Variants in IMMP2L observed in about 807,000 individuals in gnomAD.
IMMP2L encodes inner mitochondrial membrane peptidase subunit 2, also known as mitochondrial inner membrane protease subunit 2.
IMMP2L carries 18 observed loss-of-function variants against 19.3 expected under a neutral mutation model. The observed-to-expected ratio is 0.93, with a 90% confidence interval of 0.64 to 1.38. The LOEUF (loss-of-function observed/expected upper bound fraction) is 1.38. Ranked by LOEUF, IMMP2L falls within the 40% of genes most tolerant of loss-of-function variation. The pLI is 0.00. For missense variants in IMMP2L, 233 were observed against 218.2 expected (o/e 1.07, Z -0.43); for synonymous variants, 76 against 73.0 (o/e 1.04, Z -0.21).
chr7:110,875,523 T>C (rs774263584), intron 5 of IMMP2L, among the ~76,000 whole-genome samples: 2 of 152,164 alleles, frequency 1.3e-5, no homozygotes, highest in Non-Finnish European at 2.9e-5. Flanking sequence ...AATGACATAA[T>C]TTATAATCTC....
At chr7:110,842,191 A>G (rs1805158534) in intron 5 of IMMP2L, among the ~76,000 whole-genome samples, 1 of 152,068 alleles carries the variant, frequency 6.6e-6, no homozygotes, top group Non-Finnish European at 1.5e-5. Context: ...TTTCCTCTCC[A>G]CTTTTGAATC....
rs1044566836 is a variant in IMMP2L, at chr7:110,869,776, C to G, written c.408+16817G>C. Among the ~76,000 whole-genome samples the G allele has an allele frequency of 5.9e-5, 9 of 152,202 alleles. No homozygotes were observed. The East Asian group carries it at 1.2e-3, about 20-fold the overall frequency. On this transcript the variant is annotated intron_variant, in intron 5 of 5. Transcript: ENST00000405709. Reference sequence around the variant, plus strand: ...GCTATAACATTTTAGTCAGGGACAACAAAGTTTCTATTTAGATACTCAGAA... The same window carrying G: ...GCTATAACATTTTAGTCAGGGACAAGAAAGTTTCTATTTAGATACTCAGAA...
intron 3 of IMMP2L, among the ~76,000 whole-genome samples, chr7:111,168,404 C>G (rs1373321431): frequency 6.6e-6 from 1 of 151,688 alleles, no homozygotes; most frequent in African/African-American, 2.4e-5. Flanking sequence ...CTAGCAGCAT[C>G]TATAAACAGG....
intron 3 of IMMP2L, among the ~76,000 whole-genome samples, chr7:111,158,500 G>C (rs1270225322): frequency 2.6e-5 from 4 of 152,082 alleles, no homozygotes; most frequent in Admixed American, 1.3e-4. Flanking sequence ...CAATTGCTAA[G>C]AGTAATTTCT....
chr7:110,712,719 G>C (rs1448376363), intron 5 of IMMP2L, among the ~76,000 whole-genome samples: 1 of 81,716 alleles, frequency 1.2e-5, no homozygotes, highest in Non-Finnish European at 2.6e-5. Flanking sequence ...GTGGTGCGCC[G>C]TTTCTTAAGC....
At chr7:110,906,407 T>C (rs1365738813) in intron 4 of IMMP2L, among the ~76,000 whole-genome samples, 2 of 152,232 alleles carry the variant, frequency 1.3e-5, no homozygotes, top group Non-Finnish European at 2.9e-5. Context: ...TTAGTCAAGC[T>C]GGTCTAGGTG....
chr7:110,803,706 G>A lies in IMMP2L; in HGVS notation c.408+82887C>T, dbSNP rs1396437733. Among the ~76,000 whole-genome samples the A allele has an allele frequency of 6.6e-6, 1 of 152,062 alleles. No individual in the cohort carries two copies. The highest frequency in any genetic ancestry group is 2.4e-5 in the African/African-American group (1 of 41,438). On this transcript the variant is annotated intron_variant, in intron 5 of 5. Coordinates refer to ENST00000405709, the MANE Select transcript of IMMP2L (RefSeq NM_032549.4). The surrounding 1 kb of genome is among the most constrained non-coding windows in gnomAD (Gnocchi z 4.2). Reference sequence around the variant, plus strand: ...TGTAGCCAAGGGCAAGTCCTGATGGGCTGACAGGCTATCCCCTGGGAGCAC... The same window carrying A: ...TGTAGCCAAGGGCAAGTCCTGATGGACTGACAGGCTATCCCCTGGGAGCAC...
intron 3 of IMMP2L, among the ~76,000 whole-genome samples, chr7:111,395,859 G>C (rs1270862586): frequency 6.6e-6 from 1 of 152,090 alleles, no homozygotes; most frequent in Non-Finnish European, 1.5e-5. Flanking sequence ...GTCTGAAGAA[G>C]AGAAAACAAA....
At chr7:110,730,108 G>A (rs961747194) in intron 5 of IMMP2L, among the ~76,000 whole-genome samples, 2 of 152,060 alleles carry the variant, frequency 1.3e-5, no homozygotes, top group African/African-American at 2.4e-5. Flanking sequence ...AGAGTATTGT[G>A]ATGGCTAATA....
chr7:110,932,044 G>C (rs773158369), intron 4 of IMMP2L, among the ~76,000 whole-genome samples: 1 of 152,006 alleles, frequency 6.6e-6, no homozygotes, highest in Non-Finnish European at 1.5e-5. Context: ...CCAGTCAATG[G>C]CTAGCCCCAC....
intron 3 of IMMP2L, among the ~76,000 whole-genome samples, chr7:111,406,489 C>T (rs1184172146): frequency 1.3e-5 from 2 of 152,076 alleles, no homozygotes; most frequent in Admixed American, 6.6e-5. Flanking sequence ...ACTGAAAACA[C>T]TTCAAAAGCC....
intron 3 of IMMP2L, among the ~76,000 whole-genome samples, chr7:111,470,141 C>T (rs1190534350): frequency 2.0e-5 from 3 of 152,084 alleles, no homozygotes; most frequent in African/African-American, 7.2e-5. Flanking sequence ...TCATCACTGG[C>T]CATCAGAGAA....
intron 3 of IMMP2L, among the ~76,000 whole-genome samples, chr7:111,016,947 T>C (rs1330488370): frequency 2.7e-5 from 3 of 112,678 alleles, no homozygotes; most frequent in Non-Finnish European, 5.1e-5. Context: ...ATATTACATA[T>C]ATGATATATA....
intron 3 of IMMP2L, among the ~76,000 whole-genome samples, chr7:111,195,911 G>T (rs1350835996): frequency 1.3e-5 from 2 of 151,448 alleles, no homozygotes; most frequent in Admixed American, 1.3e-4. Context: ...CTATCACCAA[G>T]GCGGGACTTC....
intron 5 of IMMP2L, among the ~76,000 whole-genome samples, chr7:110,818,090 A>T (rs2131314836): frequency 6.6e-6 from 1 of 152,274 alleles, no homozygotes; most frequent in East Asian, 1.9e-4. Flanking sequence ...AAGCAATGGC[A>T]ACAAAAGCCA....
At chr7:111,378,086 T>C (rs1257492384) in intron 3 of IMMP2L, among the ~76,000 whole-genome samples, 2 of 151,964 alleles carry the variant, frequency 1.3e-5, no homozygotes, top group Admixed American at 6.6e-5. Flanking sequence ...CAACTTTAGA[T>C]AATATAAAAA....
At position 110,870,788 on chromosome 7, in the gene IMMP2L, C is replaced by T. The variant is rs2129543788; in HGVS notation, c.408+15805G>A. On this transcript the variant is annotated intron_variant, in intron 5 of 5. Transcript: ENST00000405709. The surrounding 1 kb of genome is among the most constrained non-coding windows in gnomAD (Gnocchi z 4.2). ...ATGGAGAGGCCATACAATGTGAGGG[C>T]CCTAAAGGCCATGGTCAAGGGAATC... is the stretch of plus-strand genomic sequence containing the variant. Among the ~76,000 whole-genome samples, 1 of 152,222 alleles carries T rather than the reference C, an allele frequency of 6.6e-6. No individual in the cohort carries two copies. Among genetic ancestry groups the T allele is most frequent in the South Asian group, 2.1e-4 (1 of 4,814 alleles).
intron 3 of IMMP2L, among the ~76,000 whole-genome samples, chr7:111,341,466 C>T (rs955556077): frequency 5.3e-5 from 8 of 152,016 alleles, no homozygotes; most frequent in Non-Finnish European, 1.2e-4. Context: ...TGTATATATA[C>T]ACCAAATGAG....
intron 1 of IMMP2L, among the ~76,000 whole-genome samples, chr7:111,533,325 A>G (rs1402571322): frequency 1.3e-5 from 2 of 152,178 alleles, no homozygotes; most frequent in Admixed American, 1.3e-4. Flanking sequence ...AAATTGGAAG[A>G]CACTGTTTTA....
Sources: allele counts gnomAD v4.1 joint callset (sites outside exome capture counted in the v4.1 genomes callset), GRCh38; gene constraint gnomAD v4.1.1; non-coding constraint Gnocchi (gnomAD v3.1); transcripts MANE v1.5; gene names NCBI Gene and HGNC (gene_info 2026-07-23, HGNC 2026-07-21).